The following GPRC6A variants were observed in gnomAD, a reference collection of about 807,000 sequenced individuals.
GPRC6A encodes G protein-coupled receptor family C group 6 member A.
Under a neutral mutation model 47.0 loss-of-function variants are expected in GPRC6A, and 54 were observed. That is an observed-to-expected ratio of 1.15 (90% confidence interval 0.92 to 1.44). The LOEUF is 1.44. Among genes scored for constraint, GPRC6A ranks in the 40% most tolerant of loss-of-function variants. The pLI, the probability that GPRC6A is intolerant of heterozygous loss-of-function variation, is 0.00. For missense variants in GPRC6A, 1,112 were observed against 1,105.5 expected (o/e 1.01, Z -0.08); for synonymous variants, 347 against 377.1 (o/e 0.92, Z 0.93).
chr6:116,799,799 G>A (rs1261204403), intron 4 of GPRC6A, among the ~76,000 whole-genome samples: 1 of 152,126 alleles, frequency 6.6e-6, no homozygotes, highest in Non-Finnish European at 1.5e-5. Context: ...AAAGGAGAGA[G>A]GGTATAAAAT....
chr6:116,818,416 C>A (rs1454096825), intron 1 of GPRC6A, among the ~76,000 whole-genome samples: 1 of 144,666 alleles, frequency 6.9e-6, no homozygotes, highest in Non-Finnish European at 1.5e-5. Flanking sequence ...CGCCTGTAGT[C>A]CCAGCTACTT....
At chr6:116,818,084 T>C (rs1238791701) in intron 1 of GPRC6A, among the ~76,000 whole-genome samples, 2 of 152,144 alleles carry the variant, frequency 1.3e-5, no homozygotes, top group South Asian at 2.1e-4. Context: ...AATTGTCAGA[T>C]TCACCAAAGT....
intron 1 of GPRC6A, among the ~76,000 whole-genome samples, chr6:116,818,559 A>T (rs1689790148): frequency 7.6e-6 from 1 of 131,540 alleles, no homozygotes; most frequent in African/African-American, 2.8e-5. Flanking sequence ...AAAAAAAAAA[A>T]AAAAAAAAAA....
At chr6:116,800,528 T>G (rs1772637057) in intron 4 of GPRC6A, 56 bp downstream of exon 4, 1 of 1,075,766 alleles carries the variant, frequency 9.3e-7, no homozygotes, top group South Asian at 1.3e-5. Context: ...CAAGGACTTT[T>G]GCAGTTGAGG....
chr6:116,808,223 C>A (rs911114271), intron 2 of GPRC6A, among the ~76,000 whole-genome samples: 2 of 152,082 alleles, frequency 1.3e-5, no homozygotes, highest in Non-Finnish European at 2.9e-5. Flanking sequence ...CTTCCAAGTA[C>A]CTGATGTTGC....
intron 1 of GPRC6A, among the ~76,000 whole-genome samples, chr6:116,815,033 T>G (rs905440404): frequency 6.6e-6 from 1 of 152,140 alleles, no homozygotes; most frequent in African/African-American, 2.4e-5. Flanking sequence ...GGAAATAATT[T>G]AAAATTTATA....
intron 5 of GPRC6A, among the ~76,000 whole-genome samples, chr6:116,794,161 A>C (rs1403307586): frequency 6.6e-6 from 1 of 152,176 alleles, no homozygotes; most frequent in Non-Finnish European, 1.5e-5. Flanking sequence ...CAGGGCATTC[A>C]TCTGATGACA....
rs535167075 is a variant in GPRC6A, at chr6:116,827,164, A to C, written c.194+1656T>G. ...CAGCACAGTTACTCTAGTTAGCAAC[A>C]ATGTATTGGATATTTCAATGTAGCT... On this transcript the variant is annotated intron_variant, in intron 1 of 5. Coordinates refer to ENST00000310357, the MANE Select transcript of GPRC6A (RefSeq NM_148963.4). Among the ~76,000 whole-genome samples the C allele has an allele frequency of 2.0e-5, 3 of 151,998 alleles. No homozygotes were observed. In the South Asian group the frequency reaches 6.2e-4, roughly 32 times the overall value.
chr6:116,813,512 A>T (rs1175057765), intron 1 of GPRC6A, among the ~76,000 whole-genome samples: 2 of 152,208 alleles, frequency 1.3e-5, no homozygotes, highest in Non-Finnish European at 2.9e-5. Flanking sequence ...CAGGGAAGGG[A>T]TTCCCTGTTT....
chr6:116,803,913 A>C (rs1174926984), intron 3 of GPRC6A, among the ~76,000 whole-genome samples: 1 of 152,006 alleles, frequency 6.6e-6, no homozygotes, highest in African/African-American at 2.4e-5. Context: ...CTTCATTGTA[A>C]TCAGCCCCTT....
chr6:116,821,755 C>A (rs1423597969), intron 1 of GPRC6A, among the ~76,000 whole-genome samples: 1 of 151,870 alleles, frequency 6.6e-6, no homozygotes, highest in East Asian at 1.9e-4. Flanking sequence ...ACCATAAAAA[C>A]CCTAGAAGAA....
At chr6:116,826,775 A>G (rs1773691653) in intron 1 of GPRC6A, among the ~76,000 whole-genome samples, 1 of 152,028 alleles carries the variant, frequency 6.6e-6, no homozygotes, top group East Asian at 1.9e-4. Context: ...ACTATTTGCA[A>G]TAGGAAAGAT....
Position 116,806,875 on chromosome 6 carries a change from A to T in GPRC6A, c.830T>A (p.Phe277Tyr), listed in dbSNP as rs775951488. The T allele has an allele frequency of 6.2e-7, 1 of 1,613,674 alleles. No individual in the cohort carries two copies. Among genetic ancestry groups the T allele is most frequent in the South Asian group, 1.1e-5 (1 of 91,072 alleles). ...ATCAAAAACATGGAATTGCCTCAGA[A>T]ATACCACAATGACATTAACCTGGGC... ...LEAQVNVIVV[F>Y]LRQFHVFDLF... Residue 277 changes from phenylalanine (F) to tyrosine (Y), a missense_variant, in exon 3 of 6, where the codon TTT becomes TAT. Coordinates refer to ENST00000310357, the MANE Select transcript of GPRC6A (RefSeq NM_148963.4).
chr6:116,815,077 G>C (rs1415223156), intron 1 of GPRC6A, among the ~76,000 whole-genome samples: 2 of 152,036 alleles, frequency 1.3e-5, no homozygotes, highest in Non-Finnish European at 2.9e-5. Context: ...GATTCATAAA[G>C]CAAAAATTAC....
intron 1 of GPRC6A, among the ~76,000 whole-genome samples, chr6:116,822,006 AT>A (rs1773502737): frequency 6.9e-6 from 1 of 144,080 alleles, no homozygotes; most frequent in Non-Finnish European, 1.5e-5. Flanking sequence ...ACTCAAACAA[AT>A]TTACAAGAAA....
At chr6:116,827,609 G>T (rs1773715525) in intron 1 of GPRC6A, among the ~76,000 whole-genome samples, 3 of 151,954 alleles carry the variant, frequency 2.0e-5, no homozygotes, top group Non-Finnish European at 4.4e-5. Flanking sequence ...TTTTAAAATA[G>T]GAAATTTCCT....
chr6:116,818,229 A>G (rs1294848065), intron 1 of GPRC6A, among the ~76,000 whole-genome samples: 1 of 152,118 alleles, frequency 6.6e-6, no homozygotes. Flanking sequence ...CCAATATTCA[A>G]CATTCTTAAA....
chr6:116,809,524 C>A lies in GPRC6A; in HGVS notation c.288G>T (p.Gly96=), dbSNP rs372861140. ...CTGTACAAGTGTCATAGATTTCATA[C>A]CCCAGTTTGACTCCAGGTAAGAGTG... ...NSTLLPGVKL[G]YEIYDTCTEV... Residue 96 remains glycine, a synonymous_variant, in exon 2 of 6, where the codon GGG becomes GGT. Transcript: ENST00000310357. 11 of 1,612,912 alleles carry A rather than the reference C, an allele frequency of 6.8e-6. No individual in the cohort carries two copies. Among genetic ancestry groups the A allele is most frequent in the Admixed American group, 1.7e-5 (1 of 59,876 alleles).
intron 1 of GPRC6A, among the ~76,000 whole-genome samples, chr6:116,817,083 AG>A: frequency 6.6e-6 from 1 of 152,290 alleles, no homozygotes; most frequent in South Asian, 2.1e-4. Flanking sequence ...CTCTGGGGGC[AG>A]GGCACAGACA....
Sources: gnomAD v4.1 joint callset for allele counts (sites outside exome capture counted in the v4.1 genomes callset) on GRCh38, gnomAD v4.1.1 for gene constraint, MANE v1.5 for transcripts, NCBI Gene and HGNC (gene_info 2026-07-23, HGNC 2026-07-21) for gene names.